Variants in BABAM2 observed in about 807,000 individuals in gnomAD.
BABAM2 encodes the protein BRISC and BRCA1-A complex member 2.
Under a neutral mutation model 54.7 loss-of-function variants are expected in BABAM2, and 31 were observed. The observed-to-expected ratio is 0.57, with a 90% confidence interval of 0.43 to 0.77. The LOEUF (loss-of-function observed/expected upper bound fraction) is 0.77. Among genes scored for constraint, BABAM2 ranks in the 30% least tolerant of loss-of-function variants. BABAM2 has a pLI of 0.00. For synonymous variants in BABAM2, 167 were observed against 162.9 expected, an observed-to-expected ratio of 1.03 and a Z score of -0.19; for missense variants, 364 against 455.8, an observed-to-expected ratio of 0.80 and a Z score of 1.83.
chr2:28,330,824 T>A (rs926899947), intron 11 of BABAM2, among the ~76,000 whole-genome samples: 2 of 152,160 alleles, frequency 1.3e-5, no homozygotes, highest in Non-Finnish European at 2.9e-5. Context: ...CAGAATTTTT[T>A]TAAAAATTCT....
At chr2:27,927,479 T>C (rs1264295400) in intron 2 of BABAM2, among the ~76,000 whole-genome samples, 1 of 152,216 alleles carries the variant, frequency 6.6e-6, no homozygotes, top group East Asian at 1.9e-4. Flanking sequence ...ATAGGGCTCA[T>C]AACAGCATGC....
intron 9 of BABAM2, among the ~76,000 whole-genome samples, chr2:28,244,029 C>T (rs1682693406): frequency 6.6e-6 from 1 of 152,176 alleles, no homozygotes. Context: ...GCGCTCAGCT[C>T]TTGAGGGAAA....
At chr2:28,159,378 G>A (rs906151132) in intron 7 of BABAM2, among the ~76,000 whole-genome samples, 3 of 152,186 alleles carry the variant, frequency 2.0e-5, no homozygotes, top group African/African-American at 7.2e-5. Context: ...GGAAAGAGCT[G>A]TGAGCTCTGT....
intron 7 of BABAM2, among the ~76,000 whole-genome samples, chr2:28,210,971 A>G (rs185538964): frequency 2.0e-3 from 300 of 152,362 alleles, no homozygotes; most frequent in African/African-American, 7.0e-3. Flanking sequence ...TTATGCAAGT[A>G]AAGGCCAGTG....
chr2:28,091,244 G>GA (rs1306429782), intron 6 of BABAM2, among the ~76,000 whole-genome samples: 2 of 151,946 alleles, frequency 1.3e-5, no homozygotes, highest in South Asian at 2.1e-4. Flanking sequence ...TAAATGATGC[G>GA]AAAAAAATAC....
At chr2:28,170,089 A>T (rs1426855081) in intron 7 of BABAM2, among the ~76,000 whole-genome samples, 1 of 152,122 alleles carries the variant, frequency 6.6e-6, no homozygotes, top group East Asian at 1.9e-4. Context: ...TCAGAGATTA[A>T]CAGAAAAAAT....
chr2:28,291,700 GTCTT>G (rs1445683052), intron 10 of BABAM2, among the ~76,000 whole-genome samples: 3 of 152,180 alleles, frequency 2.0e-5, no homozygotes, highest in Non-Finnish European at 4.4e-5. Context: ...TTAATATTTA[GTCTT>G]TCTTGTCACT....
At chr2:28,138,480 G>A (rs375968156) in intron 7 of BABAM2, among the ~76,000 whole-genome samples, 1 of 152,100 alleles carries the variant, frequency 6.6e-6, no homozygotes, top group African/African-American at 2.4e-5. Flanking sequence ...ATATAGTTTG[G>A]AGAGTAACGC....
rs747037187 is a variant in BABAM2, at chr2:28,133,559, A to G, written c.680+4179A>G. On this transcript the variant is annotated intron_variant, in intron 7 of 11. Transcript: ENST00000379624. Reference sequence around the variant, plus strand: ...CCATCCACACTGGGTAAAAATTACCAAGAGAAGGCTTGCATTCCCACCATC... The same window carrying G: ...CCATCCACACTGGGTAAAAATTACCGAGAGAAGGCTTGCATTCCCACCATC... 3.9e-5 allele frequency among the ~76,000 whole-genome samples: 6 copies of G among 152,184 alleles called. 1 individual carries two copies. Among genetic ancestry groups the G allele is most frequent in the African/African-American group, 7.2e-5 (3 of 41,442 alleles).
intron 7 of BABAM2, among the ~76,000 whole-genome samples, chr2:28,151,116 T>A (rs760817537): frequency 2.0e-5 from 3 of 152,220 alleles, no homozygotes; most frequent in Non-Finnish European, 4.4e-5. Context: ...GATTTTTGAC[T>A]TTACTCTGTA....
chr2:28,208,023 T>C (rs370252242), intron 7 of BABAM2, among the ~76,000 whole-genome samples: 1,439 of 129,374 alleles, frequency 0.011, 16 homozygotes, highest in African/African-American at 0.039. Context: ...AGGAGGGTGT[T>C]AAAGGCTGTG....
chr2:28,226,302 T>C (rs1277462358), intron 7 of BABAM2, among the ~76,000 whole-genome samples: 1 of 152,238 alleles, frequency 6.6e-6, no homozygotes, highest in East Asian at 1.9e-4. Flanking sequence ...CGTTAAACTC[T>C]TCTTTTCCAT....
chr2:28,068,063 T>G (rs1459370048), intron 6 of BABAM2, among the ~76,000 whole-genome samples: 3 of 152,072 alleles, frequency 2.0e-5, no homozygotes, highest in Admixed American at 2.0e-4. Flanking sequence ...AAAGAAACAC[T>G]GTGATCCACA....
At chr2:27,906,196 A>C (rs1187325037) in intron 2 of BABAM2, among the ~76,000 whole-genome samples, 1 of 152,132 alleles carries the variant, frequency 6.6e-6, no homozygotes, top group East Asian at 1.9e-4. Flanking sequence ...TTATCTAGGT[A>C]CCAGAACATC....
chr2:28,274,960 C>T (rs545878282), intron 10 of BABAM2, among the ~76,000 whole-genome samples: 4 of 152,210 alleles, frequency 2.6e-5, no homozygotes, highest in Non-Finnish European at 4.4e-5. Context: ...AGCTCCACTG[C>T]AGGGGGTGGC....
At chr2:28,056,399 A>C (rs1019671614) in intron 6 of BABAM2, among the ~76,000 whole-genome samples, 4 of 152,168 alleles carry the variant, frequency 2.6e-5, no homozygotes, top group Non-Finnish European at 4.4e-5. Flanking sequence ...AATATACACA[A>C]TAAAATTTAT....
chr2:27,957,453 T>C (rs1484704398), intron 3 of BABAM2, among the ~76,000 whole-genome samples: 1 of 152,218 alleles, frequency 6.6e-6, no homozygotes, highest in Non-Finnish European at 1.5e-5. Flanking sequence ...TTCAACACTA[T>C]CTGCTATTCT....
At position 28,207,512 on chromosome 2, in the gene BABAM2, A is replaced by C. The variant is rs1479369601; in HGVS notation, c.681-29690A>C. On this transcript the variant is annotated intron_variant, in intron 7 of 11. Transcript: ENST00000379624. ...GGGATTCTTGATTGCACCACTGCAC[A>C]CCAGCCTGGATGACAGCAAGACCCT... is the stretch of plus-strand genomic sequence containing the variant. Among the ~76,000 whole-genome samples the C allele has an allele frequency of 2.0e-5, 3 of 152,068 alleles. No individual in the cohort carries two copies. The South Asian group carries it at 6.2e-4, about 32-fold the overall frequency.
At chr2:27,984,052 C>T (rs1672220025) in intron 3 of BABAM2, among the ~76,000 whole-genome samples, 1 of 141,178 alleles carries the variant, frequency 7.1e-6, no homozygotes, top group South Asian at 2.4e-4. Flanking sequence ...TCAATGTTTA[C>T]CAGTTTGGAA....
Sources: gnomAD v4.1 joint callset for allele counts (sites outside exome capture counted in the v4.1 genomes callset) on GRCh38, gnomAD v4.1.1 for gene constraint, MANE v1.5 for transcripts, NCBI Gene and HGNC (gene_info 2026-07-23, HGNC 2026-07-21) for gene names.